The following KCTD14 variants were observed in gnomAD, a reference collection of about 807,000 sequenced individuals.
KCTD14 encodes the protein BTB/POZ domain-containing protein KCTD14.
KCTD14 carries 7 observed loss-of-function variants against 5.9 expected under a neutral mutation model. That is an observed-to-expected ratio of 1.19 (90% CI 0.68 to 2.23). The LOEUF is 2.23. Among genes scored for constraint, KCTD14 ranks in the 30% most tolerant of loss-of-function variants. The probability of loss-of-function intolerance (pLI) is 0.00; values close to 1 mark genes in which losing one functional copy is unlikely to be tolerated. For synonymous variants in KCTD14, 140 were observed against 133.1 expected, an observed-to-expected ratio of 1.05 and a Z score of -0.36; for missense variants, 342 against 332.2, an observed-to-expected ratio of 1.03 and a Z score of -0.23.
chr11:78,023,374 G>T, upstream of KCTD14: 1 of 857,116 alleles, frequency 1.2e-6, no homozygotes, highest in Non-Finnish European at 1.8e-6. Flanking sequence ...AGTGCAGAAA[G>T]AAATGGACAG....
At chr11:78,042,600 C>T (rs543921350) in intron 1 of KCTD14, among the ~76,000 whole-genome samples, 2 of 152,354 alleles carry the variant, frequency 1.3e-5, no homozygotes, top group South Asian at 2.1e-4. Flanking sequence ...CCATCTCCTA[C>T]GTGGCATGGC....
upstream of KCTD14, chr11:78,023,406 A>G (rs866690072): frequency 1.3e-4 from 92 of 692,824 alleles, 1 homozygote; most frequent in South Asian, 1.6e-3. Context: ...GGGGCTTCTA[A>G]AAGTTGTTAG....
chr11:78,040,959 C>T (rs113469377), intron 1 of KCTD14, among the ~76,000 whole-genome samples: 2,301 of 152,278 alleles, frequency 0.015, 62 homozygotes, highest in African/African-American at 0.053. Context: ...TGTGAGCCAC[C>T]GCGCCCGGCC....
upstream of KCTD14, among the ~76,000 whole-genome samples, chr11:78,024,673 C>A (rs1472543936): frequency 6.6e-6 from 1 of 151,128 alleles, no homozygotes; most frequent in Non-Finnish European, 1.5e-5. Context: ...GGGTTGGACA[C>A]GGTTGCTCAC....
chr11:78,016,308 G>C lies in KCTD14; in HGVS notation c.*285C>G. 4 of 456,970 alleles carry C rather than the reference G, an allele frequency of 8.8e-6. No individual in the cohort carries two copies. The highest frequency in any genetic ancestry group is 1.6e-5 in the Non-Finnish European group (4 of 255,182). 28.3% of individuals were successfully genotyped at this position (456,970 alleles called of 1,614,324 possible). On this transcript the variant is annotated 3_prime_UTR_variant, in exon 2 of 2. Coordinates refer to ENST00000353172, the MANE Select transcript of KCTD14 (RefSeq NM_023930.4). ...ATCTCACATCTCTTGCCAACGCATT[G>C]TTGAAACATTCTTACTTGGTCTTGT...
intron 1 of KCTD14, among the ~76,000 whole-genome samples, chr11:78,019,753 G>GTGCAGTGCAAA (rs1276350417): frequency 6.6e-6 from 1 of 152,226 alleles, no homozygotes; most frequent in African/African-American, 2.4e-5. Context: ...AAACTGCGAA[G>GTGCAGTGCAAA]TGCAGTGCAA....
chr11:78,032,167 T>C (rs750331568), intron 2 of KCTD14, among the ~76,000 whole-genome samples: 3 of 152,214 alleles, frequency 2.0e-5, no homozygotes, highest in Non-Finnish European at 4.4e-5. Flanking sequence ...TGGGAGGAAG[T>C]ATGGCTGGGC....
At chr11:78,023,073 C>G in intron 1 of KCTD14, 87 bp downstream of exon 1, 1 of 900,614 alleles carries the variant, frequency 1.1e-6, no homozygotes, top group Non-Finnish European at 1.7e-6. Flanking sequence ...CTGGGAGGGA[C>G]GGGCAGGAGA....
rs147449338 is a variant in KCTD14 at position 78,028,950 on chromosome 11, C to T, written c.-1+9714G>A. Among the ~76,000 whole-genome samples the T allele has an allele frequency of 2.6e-3, 394 of 151,984 alleles. 4 individuals carry two copies. The highest frequency in any genetic ancestry group is 9.2e-3 in the African/African-American group (381 of 41,456). ...ACAGTGGCTCAGCACTTTGGGAGGC[C>T]GAGGTGGGCAGATCACTTCAGGTCA... On this transcript the variant is annotated intron_variant, in intron 2 of 2. Transcript: ENST00000533144.
At chr11:78,045,769 T>C (rs918846994) in intron 1 of KCTD14, among the ~76,000 whole-genome samples, 1 of 152,070 alleles carries the variant, frequency 6.6e-6, no homozygotes, top group African/African-American at 2.4e-5. Flanking sequence ...TTTATAAGGG[T>C]ACTACTGAGG....
upstream of KCTD14, among the ~76,000 whole-genome samples, chr11:78,027,445 CTCT>C (rs1857498879): frequency 6.6e-6 from 1 of 150,882 alleles, no homozygotes; most frequent in South Asian, 2.1e-4. Context: ...TCACTACAAC[CTCT>C]GCCTCCCAAG....
intron 2 of KCTD14, among the ~76,000 whole-genome samples, chr11:78,033,902 T>TGTGTGTGTGTAC (rs58893725): frequency 2.4e-5 from 1 of 41,922 alleles, no homozygotes; most frequent in African/African-American, 6.8e-5. Context: ...TGTGTGTGTG[T>TGTGTGTGTGTAC]ATATATATAT....
At chr11:78,022,072 G>A (rs1857325652) in intron 1 of KCTD14, among the ~76,000 whole-genome samples, 2 of 152,096 alleles carry the variant, frequency 1.3e-5, no homozygotes, top group South Asian at 4.1e-4. Context: ...ACTTCCACTG[G>A]CCTGGCAGTT....
At chr11:78,033,556 C>T (rs2136741798) in intron 2 of KCTD14, among the ~76,000 whole-genome samples, 1 of 152,068 alleles carries the variant, frequency 6.6e-6, no homozygotes, top group Admixed American at 6.5e-5. Flanking sequence ...GTGGCAGGCA[C>T]CTGTAGTCCC....
At chr11:78,022,446 A>G (rs1857332532) in intron 1 of KCTD14, among the ~76,000 whole-genome samples, 1 of 152,184 alleles carries the variant, frequency 6.6e-6, no homozygotes, top group Admixed American at 6.5e-5. Flanking sequence ...GGCACTAGGC[A>G]TGTGGCTTTG....
At chr11:78,033,110 G>A (rs1857675544) in intron 2 of KCTD14, among the ~76,000 whole-genome samples, 1 of 152,158 alleles carries the variant, frequency 6.6e-6, no homozygotes, top group Admixed American at 6.5e-5. Context: ...ATCAGTCTTT[G>A]TTCTTTCTAG....
chr11:78,020,143 G>C (rs1857272997), intron 1 of KCTD14, among the ~76,000 whole-genome samples: 1 of 152,198 alleles, frequency 6.6e-6, no homozygotes, highest in Non-Finnish European at 1.5e-5. Flanking sequence ...AGGTCTTTTT[G>C]TGGATGTGGG....
intron 1 of KCTD14, among the ~76,000 whole-genome samples, chr11:78,040,337 C>G (rs1456467621): frequency 6.6e-6 from 1 of 151,992 alleles, no homozygotes; most frequent in Non-Finnish European, 1.5e-5. Context: ...TTCCTTGTCT[C>G]TTTTCTTTCT....
At chr11:78,030,456 T>G (rs886294809) in intron 2 of KCTD14, among the ~76,000 whole-genome samples, 1 of 152,176 alleles carries the variant, frequency 6.6e-6, no homozygotes, top group Non-Finnish European at 1.5e-5. Flanking sequence ...ACCTGTAATA[T>G]GGTGGGGGTT....
Sources: gnomAD v4.1 joint callset for allele counts (sites outside exome capture counted in the v4.1 genomes callset) on GRCh38, gnomAD v4.1.1 for gene constraint, MANE v1.5 for transcripts, NCBI Gene and HGNC (gene_info 2026-07-23, HGNC 2026-07-21) for gene names.